Variants in IL1RL2 observed in about 807,000 individuals in gnomAD.
IL1RL2 encodes interleukin-1 receptor-like 2.
Under a neutral mutation model 66.8 loss-of-function variants are expected in IL1RL2, and 68 were observed. That is an observed-to-expected ratio of 1.02 (90% CI 0.84 to 1.25). The LOEUF is 1.25. Among genes scored for constraint, IL1RL2 ranks in the 50% most tolerant of loss-of-function variants. IL1RL2 has a pLI of 0.00. For synonymous variants in IL1RL2, 305 were observed against 264.6 expected, an observed-to-expected ratio of 1.15 and a Z score of -1.48; for missense variants, 729 against 709.3, an observed-to-expected ratio of 1.03 and a Z score of -0.32.
At chr2:102,228,418 G>T (rs1690827083) in intron 9 of IL1RL2, among the ~76,000 whole-genome samples, 1 of 152,168 alleles carries the variant, frequency 6.6e-6, no homozygotes, top group Admixed American at 6.5e-5. Context: ...TTAATAATTA[G>T]GTGTGCATGA....
At chr2:102,236,035 C>A in intron 11 of IL1RL2, 2 of 729,828 alleles carry the variant, frequency 2.7e-6, no homozygotes, top group Non-Finnish European at 1.7e-6. Context: ...GCAATTAGCA[C>A]ACAGATGATA....
At position 102,208,780 on chromosome 2, in the gene IL1RL2, C is replaced by T. The variant is rs760145101; in HGVS notation, c.650-3320C>T. Reference sequence around the variant, plus strand: ...CGTTCTAGTCCTCCTATGTTCTTTGCAGCAACTGCTCATTTGATTTAAATA... The same window carrying T: ...CGTTCTAGTCCTCCTATGTTCTTTGTAGCAACTGCTCATTTGATTTAAATA... On this transcript the variant is annotated intron_variant, in intron 5 of 11. Transcript: ENST00000264257. Among the ~76,000 whole-genome samples the T allele has an allele frequency of 2.0e-5, 3 of 152,364 alleles. No individual in the cohort carries two copies. The South Asian group carries it at 6.2e-4, about 32-fold the overall frequency.
intron 6 of IL1RL2, among the ~76,000 whole-genome samples, chr2:102,213,491 A>C (rs1488788630): frequency 1.3e-5 from 2 of 152,134 alleles, no homozygotes; most frequent in African/African-American, 4.8e-5. Flanking sequence ...GTACCCATAA[A>C]TATATGTAAT....
In IL1RL2 at chr2:102,193,549, G is replaced by T. The variant is rs189972607; in HGVS notation, c.489+1429G>T. ...TAAATTTTTTGTGTGACAGAATCTT[G>T]CTATGATGCCCAGACTGGTCTCGAA... is the stretch of plus-strand genomic sequence containing the variant. On this transcript the variant is annotated intron_variant, in intron 4 of 11. Transcript: ENST00000264257. 4.6e-5 allele frequency among the ~76,000 whole-genome samples: 7 copies of T among 152,218 alleles called. No individual in the cohort carries two copies. In the East Asian group the frequency reaches 1.4e-3, roughly 29 times the overall value.
At chr2:102,205,565 TG>T (rs769310037) in intron 5 of IL1RL2, among the ~76,000 whole-genome samples, 1 of 152,228 alleles carries the variant, frequency 6.6e-6, no homozygotes, top group Non-Finnish European at 1.5e-5. Flanking sequence ...ATGCCACTCC[TG>T]GCCTATAAGG....
intron 6 of IL1RL2, among the ~76,000 whole-genome samples, chr2:102,212,894 G>A (rs1030906762): frequency 6.6e-6 from 1 of 152,252 alleles, no homozygotes; most frequent in Admixed American, 6.5e-5. Flanking sequence ...GCGTGAACCC[G>A]GGAGGCAGAG....
chr2:102,195,645 C>CTCTCTCTCTCTT (rs1559530440), intron 4 of IL1RL2, among the ~76,000 whole-genome samples: 6 of 20,234 alleles, frequency 3.0e-4, no homozygotes, highest in Non-Finnish European at 7.4e-4. Flanking sequence ...CTCTCTCTCT[C>CTCTCTCTCTCTT]TCTTTCTTTC....
intron 4 of IL1RL2, 24 bp downstream of exon 4, chr2:102,192,144 T>A: frequency 6.8e-7 from 1 of 1,479,696 alleles, no homozygotes; most frequent in African/African-American, 1.4e-5. Flanking sequence ...TTCTTATTGA[T>A]ATTTTTCCTC....
intron 5 of IL1RL2, among the ~76,000 whole-genome samples, chr2:102,203,034 A>G (rs781592888): frequency 1.3e-5 from 2 of 152,068 alleles, no homozygotes; most frequent in Non-Finnish European, 2.9e-5. Context: ...TATGGCTTTT[A>G]TTACATTGAG....
At chr2:102,228,333 GA>G (rs1690817998) in intron 9 of IL1RL2, among the ~76,000 whole-genome samples, 1 of 152,186 alleles carries the variant, frequency 6.6e-6, no homozygotes, top group South Asian at 2.1e-4. Context: ...GGATGAAAAT[GA>G]GAAAGAGAGA....
chr2:102,239,302 T>A lies in IL1RL2; in HGVS notation c.*61T>A. ...CTTGTTTTGCTCCATGTCTCCTCAT[T>A]CCTACACCTATTTTCTGCTGCAGGA... On this transcript the variant is annotated 3_prime_UTR_variant, in exon 12 of 12. Coordinates refer to ENST00000264257, the MANE Select transcript of IL1RL2 (RefSeq NM_003854.4). 6 of 1,466,520 alleles carry A rather than the reference T, an allele frequency of 4.1e-6. No homozygotes were observed. Among genetic ancestry groups the A allele is most frequent in the Non-Finnish European group, 5.7e-6 (6 of 1,045,538 alleles). The allele number at this position is 1,466,520 out of a possible 1,614,324, so 90.8% of individuals were successfully genotyped here.
At chr2:102,198,490 T>G (rs774445850) in intron 4 of IL1RL2, among the ~76,000 whole-genome samples, 4 of 152,184 alleles carry the variant, frequency 2.6e-5, no homozygotes, top group Non-Finnish European at 5.9e-5. Context: ...CCTATCACTG[T>G]GCTCAATCTG....
At chr2:102,235,877 TG>T in intron 11 of IL1RL2, 9 of 985,446 alleles carry the variant, frequency 9.1e-6, no homozygotes, top group Non-Finnish European at 1.1e-5. Flanking sequence ...CCTAGACCAG[TG>T]GGGACCCACG....
At chr2:102,242,827 T>C (rs980444619), downstream of IL1RL2, among the ~76,000 whole-genome samples, 3 of 152,174 alleles carry the variant, frequency 2.0e-5, no homozygotes, top group African/African-American at 7.2e-5. Flanking sequence ...GATGTTTAGG[T>C]TTGTTCTATT....
Position 102,212,189 on chromosome 2 carries a change from T to C in IL1RL2, c.724+15T>C. On this transcript the variant is annotated intron_variant, in intron 6 of 11. Transcript: ENST00000264257. ...AGTACAGCTTGGTGAGTAAAATTAT[T>C]GAAGCCATTGAAATCACCAGGGGAA... 2 of 1,559,810 alleles carry C rather than the reference T, an allele frequency of 1.3e-6. No homozygotes were observed. The highest frequency in any genetic ancestry group is 1.8e-6 in the Non-Finnish European group (2 of 1,130,990).
chr2:102,187,325 C>A, intron 1 of IL1RL2: 2 of 1,172,344 alleles, frequency 1.7e-6, no homozygotes, highest in Non-Finnish European at 2.1e-6. Context: ...TTTCTCCTTT[C>A]CCGCTGGCCC....
chr2:102,234,751 C>T (rs1674700615), intron 10 of IL1RL2, 146 bp from the exon 11 acceptor site: 1 of 699,442 alleles, frequency 1.4e-6, no homozygotes, highest in Non-Finnish European at 2.4e-6. Flanking sequence ...TGCATCCCTG[C>T]ACTCCAACCT....
At chr2:102,201,329 A>G (rs1688234267) in intron 4 of IL1RL2, among the ~76,000 whole-genome samples, 2 of 152,168 alleles carry the variant, frequency 1.3e-5, no homozygotes, top group Admixed American at 1.3e-4. Flanking sequence ...ACATGCACAT[A>G]TATATGTACA....
At chr2:102,218,824 A>G in intron 6 of IL1RL2, 129 bp from the exon 7 acceptor site, 1 of 759,992 alleles carries the variant, frequency 1.3e-6, no homozygotes, top group South Asian at 1.8e-5. Context: ...ACATTTGCCT[A>G]GGGGGCTATT....
Sources: allele counts gnomAD v4.1 joint callset (sites outside exome capture counted in the v4.1 genomes callset), GRCh38; gene constraint gnomAD v4.1.1; transcripts MANE v1.5; gene names NCBI Gene and HGNC (gene_info 2026-07-23, HGNC 2026-07-21).